The following ZNF77 variants were observed in gnomAD, a reference collection of about 807,000 sequenced individuals.
ZNF77 encodes zinc finger protein 77, also known as ZNFpT1.
Under a neutral mutation model 13.5 loss-of-function variants are expected in ZNF77, and 15 were observed. The ratio of observed to expected loss-of-function variants is 1.11; its 90% CI spans 0.74 to 1.71. ZNF77 has a LOEUF of 1.71. ZNF77 is among the 40% of genes most tolerant of loss of function. The pLI, the probability that ZNF77 is intolerant of heterozygous loss-of-function variation, is 0.00. For missense variants in ZNF77, 717 were observed against 676.4 expected (o/e 1.06, Z -0.67); for synonymous variants, 282 against 250.0 (o/e 1.13, Z -1.21).
chr19:2,938,228 T>A (rs1347941911), intron 2 of ZNF77, among the ~76,000 whole-genome samples: 1 of 152,094 alleles, frequency 6.6e-6, no homozygotes, highest in Non-Finnish European at 1.5e-5. Flanking sequence ...TCCTGGAGAA[T>A]CACATGATGA....
chr19:2,938,755 G>T (rs1039336019), intron 2 of ZNF77, among the ~76,000 whole-genome samples: 2 of 152,126 alleles, frequency 1.3e-5, no homozygotes, highest in Non-Finnish European at 2.9e-5. Flanking sequence ...AGGAGATCGA[G>T]ACCATCCTGG....
chr19:2,940,538 T>G (rs2088440040), intron 1 of ZNF77, among the ~76,000 whole-genome samples: 1 of 152,142 alleles, frequency 6.6e-6, no homozygotes, highest in Non-Finnish European at 1.5e-5. Context: ...CTGGGCGTGG[T>G]GGCACACGCC....
chr19:2,944,266 T>C (rs1311225567), intron 1 of ZNF77, among the ~76,000 whole-genome samples: 1 of 127,668 alleles, frequency 7.8e-6, no homozygotes, highest in African/African-American at 3.0e-5. Context: ...GCTTCTGCTG[T>C]CCCCTCGAGC....
At chr19:2,940,553 G>A (rs927749621) in intron 1 of ZNF77, among the ~76,000 whole-genome samples, 4 of 151,952 alleles carry the variant, frequency 2.6e-5, no homozygotes, top group East Asian at 1.9e-4. Context: ...CACGCCTGTA[G>A]TCTCAGCTAC....
intron 1 of ZNF77, among the ~76,000 whole-genome samples, chr19:2,944,184 G>A (rs1430092296): frequency 8.2e-6 from 1 of 122,098 alleles, no homozygotes; most frequent in African/African-American, 3.2e-5. Context: ...TCCCTTTACT[G>A]TCCCCCCAAA....
rs1225821079 is a variant in ZNF77, at chr19:2,944,891, C to T, written c.-51G>A. 12 of 1,520,474 alleles carry T rather than the reference C, an allele frequency of 7.9e-6. No homozygotes were observed. The Admixed American group carries it at 1.0e-4, about 13-fold the overall frequency. 94.2% of individuals were successfully genotyped at this position (1,520,474 alleles called of 1,614,324 possible). A position where few individuals can be genotyped will look rare whatever the true frequency, so the allele number is the denominator to read the frequency against. Reference sequence around the variant, plus strand: ...GGGTTAGCGCCCCGCGGTCCAGCGACCGGCGCAGGTGAGCACGACAGGACA... The same window carrying T: ...GGGTTAGCGCCCCGCGGTCCAGCGATCGGCGCAGGTGAGCACGACAGGACA... On this transcript the variant is annotated 5_prime_UTR_variant, in exon 1 of 4. Transcript: ENST00000314531.
chr19:2,939,080 C>CA (rs2088425801), intron 2 of ZNF77, among the ~76,000 whole-genome samples: 1 of 131,928 alleles, frequency 7.6e-6, no homozygotes, highest in Non-Finnish European at 1.7e-5. Flanking sequence ...CCCAAGGAGG[C>CA]AGTGAGGGAA....
chr19:2,940,460 GT>G (rs2144967816), intron 1 of ZNF77, among the ~76,000 whole-genome samples: 1 of 152,080 alleles, frequency 6.6e-6, no homozygotes, highest in East Asian at 1.9e-4. Flanking sequence ...GGATCACAAG[GT>G]TAAGAGATCA....
rs1320012608 is a variant in ZNF77, at chr19:2,933,924, T to A, written c.1203A>T (p.Thr401=). The change falls in exon 4 of 4, where the codon ACA becomes ACT. Residue 401 remains threonine (T), a synonymous_variant. Transcript: ENST00000314531. ...CPTYFRRHVK[T]HSGVKPYQCK... ...ATTGATAGGGCTTCACCCCGCTGTG[T>A]GTTTTCACATGTCTTCTAAAGTAAG... The A allele has an allele frequency of 3.1e-6, 5 of 1,613,442 alleles. No individual in the cohort carries two copies. The Admixed American group carries it at 5.0e-5, about 16-fold the overall frequency.
At position 2,944,848 on chromosome 19, in the gene ZNF77, C is replaced by T. The variant is rs1011913963; in HGVS notation, c.-8G>A. On this transcript the variant is annotated 5_prime_UTR_variant, in exon 1 of 4. Transcript: ENST00000314531. ...CCGCCCGGCACTCACCATGTCCCGC[C>T]CGCTCCTGGGCTCTCCAGGGTTAGC... 17 of 1,526,952 alleles carry T rather than the reference C, an allele frequency of 1.1e-5. No homozygotes were observed. The Admixed American group carries it at 1.2e-4, about 11-fold the overall frequency. The allele number at this position is 1,526,952 out of a possible 1,614,324, so 94.6% of individuals were successfully genotyped here. A position where few individuals can be genotyped will look rare whatever the true frequency, so the allele number is the denominator to read the frequency against.
chr19:2,934,876 T>A, intron 3 of ZNF77, 61 bp from the exon 4 acceptor site: 1 of 1,515,258 alleles, frequency 6.6e-7, no homozygotes, highest in African/African-American at 1.4e-5. Context: ...AATTTATTAA[T>A]GGTTTTTAGT....
In ZNF77 at chr19:2,934,694, T is replaced by A. The variant is rs777664099; in HGVS notation, c.433A>T (p.Thr145Ser). The stretch of plus-strand genomic sequence containing the variant: ...TTCTCGAAGGCTTTGCCACACTTAG[T>A]GCACTCAGAGGGTTTAGCTTCGGTA... ...YPTEAKPSEC[T>S]KCGKAFENRQ... Residue 145 changes from threonine to serine, a missense_variant, in exon 4 of 4, where the codon ACT becomes TCT. Transcript: ENST00000314531. 3.7e-6 allele frequency: 6 copies of A among 1,614,180 alleles called. No homozygotes were observed. The East Asian group carries it at 8.9e-5, about 24-fold the overall frequency.
chr19:2,944,953 G>A lies in ZNF77; in HGVS notation c.-113C>T. 2 of 1,359,004 alleles carry A rather than the reference G, an allele frequency of 1.5e-6. No individual in the cohort carries two copies. Among genetic ancestry groups the A allele is most frequent in the Non-Finnish European group, 9.7e-7 (1 of 1,030,380 alleles). The allele number at this position is 1,359,004 out of a possible 1,614,324, so 84.2% of individuals were successfully genotyped here. ...CGGGGTAGGCGGGGAAGCGCGCAAG[G>A]CAGAGGGGAACTCGGCTTACCGTCC... On this transcript the variant is annotated 5_prime_UTR_variant, in exon 1 of 4. Coordinates refer to ENST00000314531, the MANE Select transcript of ZNF77 (RefSeq NM_021217.3).
intron 3 of ZNF77, among the ~76,000 whole-genome samples, chr19:2,935,238 T>C (rs1466543254): frequency 6.6e-6 from 1 of 151,794 alleles, no homozygotes; most frequent in African/African-American, 2.4e-5. Context: ...CAGGATGGTC[T>C]TGATCTCCTG....
intron 1 of ZNF77, chr19:2,939,729 T>C (rs1020797730): frequency 3.1e-6 from 1 of 327,774 alleles, no homozygotes; most frequent in Non-Finnish European, 5.8e-6. Flanking sequence ...CCCAGTACTT[T>C]GAGAGGCTCA....
At chr19:2,937,749 C>CT (rs1555680407) in intron 2 of ZNF77, among the ~76,000 whole-genome samples, 1 of 33,510 alleles carries the variant, frequency 3.0e-5, no homozygotes, top group South Asian at 6.8e-4. Context: ...GTTTGTGTTT[C>CT]TTTTTTTTGT....
intron 1 of ZNF77, among the ~76,000 whole-genome samples, chr19:2,940,914 C>A (rs2088443312): frequency 6.6e-6 from 1 of 152,048 alleles, no homozygotes; most frequent in East Asian, 1.9e-4. Context: ...GTGGCTCAGG[C>A]CTATACTCCC....
At chr19:2,938,624 C>T (rs538531638) in intron 2 of ZNF77, among the ~76,000 whole-genome samples, 1 of 152,234 alleles carries the variant, frequency 6.6e-6, no homozygotes, top group African/African-American at 2.4e-5. Context: ...ATCTCTTTTC[C>T]AACATATTTC....
intron 1 of ZNF77, among the ~76,000 whole-genome samples, chr19:2,940,266 G>A (rs969044930): frequency 2.6e-5 from 4 of 151,836 alleles, no homozygotes; most frequent in Admixed American, 6.6e-5. Flanking sequence ...GTTCACGCCT[G>A]TAGTTCCAAC....
Sources: allele counts gnomAD v4.1 joint callset (sites outside exome capture counted in the v4.1 genomes callset), GRCh38; gene constraint gnomAD v4.1.1; transcripts MANE v1.5; gene names NCBI Gene and HGNC (gene_info 2026-07-23, HGNC 2026-07-21).